PDZD2: variants seen among roughly 807,000 people sequenced by gnomAD.
PDZD2 encodes PDZ domain containing 2.
Under a neutral mutation model 220.7 loss-of-function variants are expected in PDZD2, and 90 were observed. The observed-to-expected ratio is 0.41, with a 90% CI of 0.34 to 0.49. The LOEUF is 0.49. Ranked by LOEUF, PDZD2 falls within the 20% of genes least tolerant of loss-of-function variation. The pLI is 0.28. For synonymous variants in PDZD2, 1,375 were observed against 1,450.5 expected (o/e 0.95, Z 1.18); for missense variants, 3,174 against 3,608.5 (o/e 0.88, Z 3.08).
At chr5:31,791,216 G>T (rs1182202641) in intron 1 of PDZD2, among the ~76,000 whole-genome samples, 1 of 152,132 alleles carries the variant, frequency 6.6e-6, no homozygotes, top group African/African-American at 2.4e-5. Flanking sequence ...TGTCAAGAGG[G>T]CCTTTCTAAG....
At chr5:32,001,537 G>A (rs1009120782) in intron 5 of PDZD2, among the ~76,000 whole-genome samples, 2 of 150,950 alleles carry the variant, frequency 1.3e-5, no homozygotes, top group Admixed American at 6.6e-5. Flanking sequence ...CCCAGTGTCT[G>A]TCCCCTGTCT....
chr5:31,993,765 A>G (rs1056132343), intron 3 of PDZD2, among the ~76,000 whole-genome samples: 3 of 152,224 alleles, frequency 2.0e-5, no homozygotes, highest in African/African-American at 7.2e-5. Context: ...AGGCCCATAT[A>G]GCTAGGGCTA....
chr5:32,110,565 T>A lies in PDZD2; in HGVS notation c.*2430T>A, dbSNP rs1745294782. The A allele has an allele frequency of 6.6e-6, 1 of 151,886 alleles. No homozygotes were observed. The highest frequency in any genetic ancestry group is 2.1e-4 in the South Asian group (1 of 4,796). The allele number at this position is 151,886 out of a possible 1,614,324, so 9.4% of individuals were successfully genotyped here. ...GTCCTACTAAAACTGTCATTGTTTC[T>A]TTTTTTTTAACTGGTCAGTCATTCA... On this transcript the variant is annotated 3_prime_UTR_variant, in exon 25 of 25. Transcript: ENST00000438447.
intron 1 of PDZD2, among the ~76,000 whole-genome samples, chr5:31,741,186 AGT>A (rs199805122): frequency 2.1e-4 from 23 of 107,526 alleles, no homozygotes; most frequent in Non-Finnish European, 3.9e-4. Flanking sequence ...CTTGTACAAT[AGT>A]GTGTACACAC....
At chr5:32,095,043 C>A (rs1443007276) in intron 21 of PDZD2, among the ~76,000 whole-genome samples, 1 of 152,216 alleles carries the variant, frequency 6.6e-6, no homozygotes, top group African/African-American at 2.4e-5. Flanking sequence ...CAGGTGGGGT[C>A]ACACGTTGCC....
chr5:31,716,574 G>C (rs1286887656), intron 1 of PDZD2, among the ~76,000 whole-genome samples: 1 of 152,194 alleles, frequency 6.6e-6, no homozygotes, highest in Non-Finnish European at 1.5e-5. Flanking sequence ...AGGCCAAGGC[G>C]GGCTGATCAC....
intron 1 of PDZD2, among the ~76,000 whole-genome samples, chr5:31,740,286 C>G (rs183091015): frequency 6.6e-6 from 1 of 151,406 alleles, no homozygotes; most frequent in South Asian, 2.1e-4. Context: ...TTTGGGAGGC[C>G]GAGGCGGGCA....
chr5:32,046,160 A>G (rs1239508231), intron 7 of PDZD2, among the ~76,000 whole-genome samples: 1 of 152,240 alleles, frequency 6.6e-6, no homozygotes, highest in Non-Finnish European at 1.5e-5. Context: ...CTTAAGATTA[A>G]TGTCCCTTAA....
At chr5:31,856,576 A>G (rs1046116256) in intron 2 of PDZD2, among the ~76,000 whole-genome samples, 11 of 152,118 alleles carry the variant, frequency 7.2e-5, no homozygotes, top group Non-Finnish European at 1.3e-4. Flanking sequence ...CAGCAAAGTC[A>G]CCAAACTGCC....
At chr5:31,780,275 A>G (rs973077224) in intron 1 of PDZD2, among the ~76,000 whole-genome samples, 20 of 150,718 alleles carry the variant, frequency 1.3e-4, no homozygotes, top group African/African-American at 4.6e-4. Context: ...ACAGGAATCT[A>G]TCCATGGGCT....
chr5:31,929,753 GAA>G (rs33916253), intron 2 of PDZD2, among the ~76,000 whole-genome samples: 1 of 151,302 alleles, frequency 6.6e-6, no homozygotes, highest in African/African-American at 2.4e-5. Context: ...TCGGGAGGCT[GAA>G]AAAAAAAAGC....
chr5:31,700,724 A>C (rs182252413), intron 1 of PDZD2, among the ~76,000 whole-genome samples: 1 of 152,334 alleles, frequency 6.6e-6, no homozygotes, highest in Non-Finnish European at 1.5e-5. Flanking sequence ...GAGGAGGAAA[A>C]GGGAAGAAGG....
intron 1 of PDZD2, among the ~76,000 whole-genome samples, chr5:31,685,067 G>A (rs1373616828): frequency 1.3e-5 from 2 of 152,060 alleles, no homozygotes; most frequent in Non-Finnish European, 2.9e-5. Flanking sequence ...TTGCACCATT[G>A]CCCTCTCTGT....
chr5:31,745,405 C>T (rs963545227), intron 1 of PDZD2, among the ~76,000 whole-genome samples: 2 of 152,086 alleles, frequency 1.3e-5, no homozygotes, highest in Admixed American at 1.3e-4. Flanking sequence ...GTGTCTGATA[C>T]ACAGTAGGTG....
intron 2 of PDZD2, among the ~76,000 whole-genome samples, chr5:31,816,777 G>T (rs1242566528): frequency 6.6e-6 from 1 of 152,130 alleles, no homozygotes; most frequent in Non-Finnish European, 1.5e-5. Flanking sequence ...TGGTGGATAG[G>T]GTTGGAAAAT....
intron 6 of PDZD2, among the ~76,000 whole-genome samples, chr5:32,026,595 T>G (rs1358579377): frequency 6.6e-6 from 1 of 152,204 alleles, no homozygotes; most frequent in Non-Finnish European, 1.5e-5. Context: ...CATTCTGGTG[T>G]TTAAAGCATA....
intron 1 of PDZD2, among the ~76,000 whole-genome samples, chr5:31,662,446 C>G (rs983129710): frequency 6.6e-6 from 1 of 152,178 alleles, no homozygotes; most frequent in Non-Finnish European, 1.5e-5. Context: ...AACAAAAATT[C>G]CATAAACTCA....
chr5:32,093,340 G>A (rs571225083), intron 21 of PDZD2, among the ~76,000 whole-genome samples: 47 of 152,286 alleles, frequency 3.1e-4, no homozygotes, highest in Non-Finnish European at 1.0e-4. Context: ...TCAAAGCAGA[G>A]CTAGTCATCT....
chr5:32,024,227 A>G (rs1754440989), intron 6 of PDZD2, among the ~76,000 whole-genome samples: 1 of 152,234 alleles, frequency 6.6e-6, no homozygotes. Context: ...TATGGTAAGA[A>G]TGAATCTTCT....
Sources: gnomAD v4.1 joint callset for allele counts (sites outside exome capture counted in the v4.1 genomes callset) on GRCh38, gnomAD v4.1.1 for gene constraint, MANE v1.5 for transcripts, NCBI Gene and HGNC (gene_info 2026-07-23, HGNC 2026-07-21) for gene names.